Variants in ZNF280C observed in about 807,000 individuals in gnomAD.
ZNF280C encodes suppressor of hairy wing homolog 3.
A neutral mutation model predicts 53.6 loss-of-function variants in ZNF280C; 14 were observed. The ratio of observed to expected loss-of-function variants is 0.26; its 90% confidence interval spans 0.17 to 0.41. ZNF280C has a LOEUF of 0.41. Among genes scored for constraint, ZNF280C ranks in the 10% least tolerant of loss-of-function variants. The probability of loss-of-function intolerance (pLI) is 1.00; values close to 1 mark genes in which losing one functional copy is unlikely to be tolerated. For missense variants in ZNF280C, 416 were observed against 547.1 expected, an observed-to-expected ratio of 0.76 and a Z score of 2.39; for synonymous variants, 203 against 181.1, an observed-to-expected ratio of 1.12 and a Z score of -0.97.
chrX:130,231,305 A>C (rs1034847189), intron 8 of ZNF280C, among the ~76,000 whole-genome samples: 1 of 112,012 alleles, frequency 8.9e-6, no homozygotes, highest in African/African-American at 3.2e-5. Flanking sequence ...ACATGGAATC[A>C]ACCTAGGTGC....
At chrX:130,210,237 A>T (rs947506432) in intron 15 of ZNF280C, among the ~76,000 whole-genome samples, 3 of 112,204 alleles carry the variant, frequency 2.7e-5, no homozygotes, top group African/African-American at 9.7e-5. Context: ...TTAATTCAAG[A>T]ATTTTAACTT....
intron 2 of ZNF280C, among the ~76,000 whole-genome samples, chrX:130,251,297 A>AAAAAAAAAAAAAAAAAAAAAAAAAC (rs2032506174): frequency 9.9e-6 from 1 of 101,169 alleles, no homozygotes; most frequent in Non-Finnish European, 2.0e-5. Flanking sequence ...AAAAAAAAAA[A>AAAAAAAAAAAAAAAAAAAAAAAAAC]AAAAAAAAAA....
At chrX:130,226,339 A>C (rs2032220825) in intron 12 of ZNF280C, among the ~76,000 whole-genome samples, 1 of 111,786 alleles carries the variant, frequency 8.9e-6, no homozygotes, top group African/African-American at 3.3e-5. Flanking sequence ...ATGAGTCCTT[A>C]ATCTTATGTT....
At chrX:130,240,559 A>C (rs1291560384) in intron 5 of ZNF280C, among the ~76,000 whole-genome samples, 1 of 112,256 alleles carries the variant, frequency 8.9e-6, no homozygotes, top group East Asian at 2.8e-4. Flanking sequence ...AAAGTTTAAA[A>C]GTGGAAAATA....
chrX:130,267,420 G>C (rs964206222), intron 1 of ZNF280C, among the ~76,000 whole-genome samples: 1 of 111,474 alleles, frequency 9.0e-6, no homozygotes, highest in African/African-American at 3.3e-5. Flanking sequence ...ATACCAAATT[G>C]AACATTGGAT....
At chrX:130,262,913 G>A (rs1050152154) in intron 1 of ZNF280C, among the ~76,000 whole-genome samples, 5 of 112,205 alleles carry the variant, frequency 4.5e-5, no homozygotes, top group Non-Finnish European at 9.4e-5. Flanking sequence ...TGTTTTACAA[G>A]AGTTTATTCT....
rs1287294781 is a variant in ZNF280C at position 130,204,275 on chromosome X, A to C, written c.*702T>G. 1 of 112,538 alleles carries C rather than the reference A, an allele frequency of 8.9e-6. No individual in the cohort carries two copies. The highest frequency in any genetic ancestry group is 9.5e-5 in the Admixed American group (1 of 10,559). The allele number at this position is 112,538 out of a possible 1,213,427, so 9.3% of individuals were successfully genotyped here. The stretch of plus-strand genomic sequence containing the variant: ...ATCGACCCATAAGCTTAAGATCAAA[A>C]GCCAAAGCTCCCAATGGGAAGTTGT... On this transcript the variant is annotated 3_prime_UTR_variant, in exon 19 of 19. Coordinates refer to ENST00000370978, the MANE Select transcript of ZNF280C (RefSeq NM_017666.5).
At chrX:130,213,346 C>A (rs774481768) in intron 15 of ZNF280C, among the ~76,000 whole-genome samples, 7 of 111,982 alleles carry the variant, frequency 6.3e-5, no homozygotes, top group Non-Finnish European at 1.3e-4. Flanking sequence ...GCACTCCAGC[C>A]TGGGTGACAG....
rs142897084 is a variant in ZNF280C at position 130,211,691 on chromosome X, A to G, written c.1980-1976T>C. ...GAGGTTAATGATGAGTAAGAGCTCA[A>G]TGTGTGTGATGACAGTGCAGGGGCT... On this transcript the variant is annotated intron_variant, in intron 15 of 18. Transcript: ENST00000370978. Among the ~76,000 whole-genome samples the G allele has an allele frequency of 8.4e-3, 934 of 111,669 alleles. 12 individuals are homozygous for G. The highest frequency in any genetic ancestry group is 0.029 in the African/African-American group (900 of 30,759).
chrX:130,208,799 G>A (rs1436990126), intron 16 of ZNF280C, among the ~76,000 whole-genome samples: 2 of 108,579 alleles, frequency 1.8e-5, no homozygotes, highest in Non-Finnish European at 3.8e-5. Flanking sequence ...GGGTTCAAGC[G>A]ATTCTCCTGC....
At position 130,214,941 on chromosome X, in the gene ZNF280C, A is replaced by G. The variant is rs563970021; in HGVS notation, c.1979+252T>C. Among the ~76,000 whole-genome samples the G allele has an allele frequency of 3.6e-5, 4 of 112,107 alleles. No homozygotes were observed. In the Admixed American group the frequency reaches 3.8e-4, roughly 11 times the overall value. ...AAGACATAAAAGAAAAAAAAGTCCC[A>G]TAGAAAAAACAAATTTCCCTAACAA... On this transcript the variant is annotated intron_variant, in intron 15 of 18. Transcript: ENST00000370978.
chrX:130,216,315 T>C (rs1397617106), intron 13 of ZNF280C, among the ~76,000 whole-genome samples: 1 of 111,729 alleles, frequency 9.0e-6, no homozygotes, highest in African/African-American at 3.3e-5. Context: ...TCATATTATA[T>C]ACAAAAATTA....
rs1180106802 is a variant in ZNF280C at position 130,202,873 on chromosome X, A to C, written c.*2104T>G. On this transcript the variant is annotated 3_prime_UTR_variant, in exon 19 of 19. Transcript: ENST00000370978. ...ATACATCTATATATATATGAGCAAG[A>C]AACAAGTGCATTTTTTGGTCCCAAT... is the stretch of plus-strand genomic sequence containing the variant. 8.9e-6 allele frequency: 1 copy of C among 111,916 alleles called. No homozygotes were observed. Among genetic ancestry groups the C allele is most frequent in the Non-Finnish European group, 1.9e-5 (1 of 53,224 alleles). 9.2% of individuals were successfully genotyped at this position (111,916 alleles called of 1,213,427 possible).
At chrX:130,219,395 G>A (rs1458865291) in intron 13 of ZNF280C, among the ~76,000 whole-genome samples, 6 of 103,446 alleles carry the variant, frequency 5.8e-5, no homozygotes, top group African/African-American at 1.1e-4. Flanking sequence ...ACTGAGGCAC[G>A]AGAATCACTT....
At chrX:130,244,800 A>AG (rs1491388047) in intron 3 of ZNF280C, among the ~76,000 whole-genome samples, 2 of 38,503 alleles carry the variant, frequency 5.2e-5, no homozygotes, top group Non-Finnish European at 8.1e-5. Flanking sequence ...AAAAAAAAAA[A>AG]GAGAGAAAAG....
At chrX:130,212,090 C>T (rs1239951243) in intron 15 of ZNF280C, among the ~76,000 whole-genome samples, 2 of 111,196 alleles carry the variant, frequency 1.8e-5, no homozygotes, top group African/African-American at 3.3e-5. Flanking sequence ...GTGGACTCTC[C>T]GGAAGCTAGG....
intron 2 of ZNF280C, among the ~76,000 whole-genome samples, chrX:130,258,393 T>A (rs1457188580): frequency 8.9e-6 from 1 of 111,879 alleles, no homozygotes; most frequent in African/African-American, 3.2e-5. Flanking sequence ...AACAATGATT[T>A]GAGGACAGTA....
chrX:130,255,575 CAGAA>C (rs2032561775), intron 2 of ZNF280C, among the ~76,000 whole-genome samples: 1 of 110,506 alleles, frequency 9.0e-6, no homozygotes, highest in African/African-American at 3.3e-5. Context: ...TATAAATCTA[CAGAA>C]AGAAAGGGCC....
At chrX:130,253,723 A>G (rs867331024) in intron 2 of ZNF280C, among the ~76,000 whole-genome samples, 7 of 112,143 alleles carry the variant, frequency 6.2e-5, no homozygotes, top group Non-Finnish European at 1.3e-4. Flanking sequence ...AGAGACTGAA[A>G]CTGGACCCCT....
Sources: allele counts gnomAD v4.1 joint callset (sites outside exome capture counted in the v4.1 genomes callset), GRCh38; gene constraint gnomAD v4.1.1; transcripts MANE v1.5; gene names NCBI Gene and HGNC (gene_info 2026-07-23, HGNC 2026-07-21).